PTPN11: variants seen among roughly 807,000 people sequenced by gnomAD.
PTPN11 encodes the protein tyrosine-protein phosphatase non-receptor type 11.
Under a neutral mutation model 78.8 loss-of-function variants are expected in PTPN11, and 6 were observed. The observed-to-expected ratio is 0.08, with a 90% CI of 0.04 to 0.15. The LOEUF (loss-of-function observed/expected upper bound fraction) is 0.15. PTPN11 is among the 10% of genes least tolerant of loss of function. The probability of loss-of-function intolerance (pLI) is 1.00; values close to 1 mark genes in which losing one functional copy is unlikely to be tolerated. For synonymous variants in PTPN11, 221 were observed against 263.5 expected (o/e 0.84, Z 1.56); for missense variants, 386 against 744.8 (o/e 0.52, Z 5.61).
At chr12:112,447,023 G>A (rs1423290097) in intron 2 of PTPN11, among the ~76,000 whole-genome samples, 4 of 151,772 alleles carry the variant, frequency 2.6e-5, no homozygotes, top group Non-Finnish European at 5.9e-5. Context: ...GTGCCACCAT[G>A]CTCAGCATTT....
intron 1 of PTPN11, among the ~76,000 whole-genome samples, chr12:112,432,485 G>T (rs1451653922): frequency 6.6e-6 from 1 of 152,048 alleles, no homozygotes; most frequent in South Asian, 2.1e-4. Context: ...GGCCAACATG[G>T]TGAAACCCTG....
chr12:112,429,614 C>A (rs1423660203), intron 1 of PTPN11, among the ~76,000 whole-genome samples: 2 of 150,794 alleles, frequency 1.3e-5, no homozygotes, highest in African/African-American at 4.9e-5. Flanking sequence ...CCAGCCTGGC[C>A]AACATGGTGA....
intron 1 of PTPN11, among the ~76,000 whole-genome samples, chr12:112,422,518 G>A (rs1359909838): frequency 2.6e-5 from 4 of 152,270 alleles, no homozygotes; most frequent in Non-Finnish European, 4.4e-5. Context: ...CATACGCGAC[G>A]ATGAGCTGAG....
intron 1 of PTPN11, among the ~76,000 whole-genome samples, chr12:112,425,873 C>T (rs1475666089): frequency 1.3e-5 from 2 of 152,156 alleles, no homozygotes; most frequent in Admixed American, 6.6e-5. Context: ...GAACTGCAGG[C>T]GTGCACCACC....
chr12:112,474,397 T>C (rs977967353), intron 7 of PTPN11, among the ~76,000 whole-genome samples: 1 of 151,790 alleles, frequency 6.6e-6, no homozygotes, highest in Admixed American at 6.6e-5. Flanking sequence ...AATAAAATTT[T>C]TTCTAGGGCG....
At chr12:112,434,991 T>C (rs1189558678) in intron 1 of PTPN11, among the ~76,000 whole-genome samples, 1 of 152,056 alleles carries the variant, frequency 6.6e-6, no homozygotes, top group Non-Finnish European at 1.5e-5. Flanking sequence ...TTCATCATGT[T>C]GCCCAGGCTG....
At chr12:112,452,760 C>T (rs897224954) in intron 3 of PTPN11, among the ~76,000 whole-genome samples, 1 of 152,134 alleles carries the variant, frequency 6.6e-6, no homozygotes, top group Non-Finnish European at 1.5e-5. Context: ...AACTCCTGGC[C>T]TCAAGTGATC....
At chr12:112,423,114 G>A (rs2037550055) in intron 1 of PTPN11, among the ~76,000 whole-genome samples, 2 of 152,134 alleles carry the variant, frequency 1.3e-5, no homozygotes, top group Non-Finnish European at 2.9e-5. Context: ...TCATTACTAT[G>A]AATTTTGGAG....
At chr12:112,424,956 TTGTGTGTGTGTGTGTGTG>T (rs34463047) in intron 1 of PTPN11, among the ~76,000 whole-genome samples, 99 of 89,056 alleles carry the variant, frequency 1.1e-3, no homozygotes, top group South Asian at 2.8e-3. Context: ...GTCAGGCTAA[TTGTGTGTGTGTGTGTGTG>T]TGTGTGTGTG....
chr12:112,453,153 C>T (rs1423269404), intron 3 of PTPN11, 42 bp from the exon 4 acceptor site: 1 of 1,535,320 alleles, frequency 6.5e-7, no homozygotes, highest in South Asian at 1.1e-5. Context: ...AACATGAACC[C>T]ATAGTAGAGC....
chr12:112,481,647 C>G (rs181127607), intron 9 of PTPN11, among the ~76,000 whole-genome samples: 1 of 152,178 alleles, frequency 6.6e-6, no homozygotes, highest in Admixed American at 6.5e-5. Context: ...TGCCTGCTAT[C>G]ACGCCTGGCT....
chr12:112,477,516 G>A, intron 7 of PTPN11, 135 bp from the exon 8 acceptor site: 1 of 708,434 alleles, frequency 1.4e-6, no homozygotes, highest in East Asian at 2.7e-5. Flanking sequence ...GCTTACCTGG[G>A]CTTTAATTTT....
chr12:112,450,284 TC>T (rs748350921), intron 2 of PTPN11, 33 bp from the exon 3 acceptor site: 11 of 1,534,398 alleles, frequency 7.2e-6, no homozygotes, highest in Non-Finnish European at 9.0e-6. Flanking sequence ...TCTTTATTTG[TC>T]CCCTTGCCTC....
intron 1 of PTPN11, among the ~76,000 whole-genome samples, chr12:112,439,813 A>AC (rs1566161012): frequency 6.6e-6 from 1 of 151,250 alleles, no homozygotes; most frequent in Non-Finnish European, 1.5e-5. Flanking sequence ...AAAAAAAAAA[A>AC]CCCAAACCAT....
At chr12:112,432,932 C>T (rs1346967577) in intron 1 of PTPN11, among the ~76,000 whole-genome samples, 1 of 151,676 alleles carries the variant, frequency 6.6e-6, no homozygotes, top group East Asian at 1.9e-4. Context: ...GTGATCTGGG[C>T]TTACTGAAAC....
intron 13 of PTPN11, among the ~76,000 whole-genome samples, chr12:112,490,917 C>T (rs2038737915): frequency 6.6e-6 from 1 of 152,114 alleles, no homozygotes; most frequent in African/African-American, 2.4e-5. Context: ...AAATGGCAGA[C>T]ATAACATTAA....
intron 13 of PTPN11, among the ~76,000 whole-genome samples, chr12:112,500,111 G>T (rs2038858017): frequency 6.6e-6 from 1 of 152,008 alleles, no homozygotes; most frequent in Non-Finnish European, 1.5e-5. Context: ...GGGTGTTGTG[G>T]TGCACACCTG....
At position 112,504,379 on chromosome 12, in the gene PTPN11, A is replaced by T. The variant is rs1042718636; in HGVS notation, c.1713-316A>T. ...CCCGGATAATTTTTGTATTTTTAGT[A>T]GAGACGGGGTTCACCATATTGGCCA... On this transcript the variant is annotated intron_variant, in intron 14 of 15. Coordinates refer to ENST00000351677, the MANE Select transcript of PTPN11 (RefSeq NM_002834.5). This position sits in a 1 kb window ranked among gnomAD's most constrained non-coding sequence, Gnocchi z 4.7. Among the ~76,000 whole-genome samples the T allele has an allele frequency of 7.9e-5, 12 of 152,208 alleles. No homozygotes were observed. The highest frequency in any genetic ancestry group is 2.7e-4 in the African/African-American group (11 of 41,460).
At chr12:112,480,006 G>C (rs916918106) in intron 9 of PTPN11, among the ~76,000 whole-genome samples, 5 of 152,200 alleles carry the variant, frequency 3.3e-5, no homozygotes, top group Admixed American at 2.0e-4. Flanking sequence ...ACTGTGGACT[G>C]TGTTTGATTC....
Sources: allele counts gnomAD v4.1 joint callset (sites outside exome capture counted in the v4.1 genomes callset), GRCh38; gene constraint gnomAD v4.1.1; non-coding constraint Gnocchi (gnomAD v3.1); transcripts MANE v1.5; gene names NCBI Gene and HGNC (gene_info 2026-07-23, HGNC 2026-07-21).